The following CSMD1 variants were observed in gnomAD, a reference collection of about 807,000 sequenced individuals.
CSMD1 encodes the protein CUB and Sushi multiple domains 1.
Under a neutral mutation model 417.5 loss-of-function variants are expected in CSMD1, and 213 were observed. The observed-to-expected ratio is 0.51, with a 90% CI of 0.46 to 0.57. The LOEUF (loss-of-function observed/expected upper bound fraction) is 0.57, where lower values mean the gene tolerates loss of function less well. CSMD1 is among the 20% of genes least tolerant of loss of function. The pLI is 0.00. For synonymous variants in CSMD1, 2,862 were observed against 1,736.8 expected, an observed-to-expected ratio of 1.65 and a Z score of -16.11; for missense variants, 6,923 against 4,529.7, an observed-to-expected ratio of 1.53 and a Z score of -15.17.
intron 25 of CSMD1, among the ~76,000 whole-genome samples, chr8:3,304,644 AATATAC>A (rs1804675911): frequency 6.6e-6 from 1 of 152,172 alleles, no homozygotes; most frequent in Non-Finnish European, 1.5e-5. Flanking sequence ...CTCATATTGA[AATATAC>A]GTATACGAAG....
intron 5 of CSMD1, among the ~76,000 whole-genome samples, chr8:3,966,310 G>T (rs796235260): frequency 1.8e-4 from 28 of 152,264 alleles, no homozygotes; most frequent in African/African-American, 6.0e-4. Context: ...TGATGGAGAA[G>T]AGGGAAAGAA....
intron 12 of CSMD1, among the ~76,000 whole-genome samples, chr8:3,438,543 C>G (rs527519856): frequency 6.6e-6 from 1 of 152,308 alleles, no homozygotes; most frequent in East Asian, 1.9e-4. Context: ...GCACCACTCT[C>G]TGGAGAGTCA....
intron 25 of CSMD1, among the ~76,000 whole-genome samples, chr8:3,286,149 C>T (rs1432856150): frequency 3.9e-5 from 6 of 152,132 alleles, no homozygotes; most frequent in Non-Finnish European, 8.8e-5. Context: ...CTACAAAGGA[C>T]ATGAACTCAT....
chr8:3,742,297 G>T (rs1054795639), intron 6 of CSMD1, among the ~76,000 whole-genome samples: 1 of 152,102 alleles, frequency 6.6e-6, no homozygotes, highest in Admixed American at 6.6e-5. Context: ...TCATACAAAT[G>T]TTTATGAAAT....
rs529425491 is a variant in CSMD1 at position 4,290,295 on chromosome 8, A to C, written c.415+129658T>G. Among the ~76,000 whole-genome samples, 3 of 152,208 alleles carry C rather than the reference A, an allele frequency of 2.0e-5. No homozygotes were observed. In the East Asian group the frequency reaches 5.8e-4, roughly 29 times the overall value. ...AAAAGCATGGTTTTCACATATGTCT[A>C]CAGATGTGAAATTTCAGATGGTCGT... On this transcript the variant is annotated intron_variant, in intron 3 of 69. Transcript: ENST00000635120.
intron 10 of CSMD1, among the ~76,000 whole-genome samples, chr8:3,532,491 T>C (rs1798023934): frequency 6.6e-6 from 1 of 152,152 alleles, no homozygotes; most frequent in South Asian, 2.1e-4. Flanking sequence ...TTACCTCTCC[T>C]CCATATCCCA....
chr8:3,864,487 C>CT, intron 5 of CSMD1, among the ~76,000 whole-genome samples: 1 of 152,122 alleles, frequency 6.6e-6, no homozygotes, highest in East Asian at 1.9e-4. Flanking sequence ...TTTTATTATA[C>CT]TTTAAGTTTT....
intron 2 of CSMD1, among the ~76,000 whole-genome samples, chr8:4,586,023 T>A (rs1228469767): frequency 1.3e-5 from 2 of 152,192 alleles, no homozygotes; most frequent in Non-Finnish European, 2.9e-5. Flanking sequence ...ACCTTTTTCA[T>A]TATTATGCGC....
intron 3 of CSMD1, among the ~76,000 whole-genome samples, chr8:4,060,750 A>T (rs1044581132): frequency 2.0e-5 from 3 of 152,198 alleles, no homozygotes; most frequent in African/African-American, 7.2e-5. Context: ...ACAGCTATTC[A>T]TGTTATTCTA....
intron 28 of CSMD1, 65 bp downstream of exon 28, chr8:3,223,664 G>T (rs983616847): frequency 5.8e-6 from 9 of 1,542,448 alleles, no homozygotes; most frequent in Non-Finnish European, 8.0e-6. Flanking sequence ...GGTCATAAAA[G>T]AAGTAATTTT....
intron 3 of CSMD1, 97 bp from the exon 4 acceptor site, chr8:4,032,196 A>G (rs1167201734): frequency 1.2e-6 from 1 of 813,044 alleles, no homozygotes; most frequent in East Asian, 2.7e-5. Flanking sequence ...AATTATTAAA[A>G]TGAGAAAACC....
chr8:3,265,077 C>T (rs972490878), intron 26 of CSMD1, among the ~76,000 whole-genome samples: 4 of 152,140 alleles, frequency 2.6e-5, no homozygotes, highest in South Asian at 4.1e-4. Context: ...CAACACAAAT[C>T]TGTTGAATAG....
intron 3 of CSMD1, among the ~76,000 whole-genome samples, chr8:4,270,902 A>C (rs1804546554): frequency 6.6e-6 from 1 of 152,078 alleles, no homozygotes; most frequent in South Asian, 2.1e-4. Flanking sequence ...CAAACAACTC[A>C]AGGTGCTGAT....
intron 3 of CSMD1, among the ~76,000 whole-genome samples, chr8:4,397,935 G>C (rs140970719): frequency 5.3e-5 from 8 of 152,150 alleles, no homozygotes; most frequent in East Asian, 1.9e-4. Flanking sequence ...AAACATTCTA[G>C]AGTAGGAAAA....
In CSMD1 at chr8:4,033,906, G is replaced by A. The variant is rs1563343391; in HGVS notation, c.416-1807C>T. ...ATGAAATTCATCATTGTTGGCTATT[G>A]TATCCATATCTAAGGTTTAAATTTA... On this transcript the variant is annotated intron_variant, in intron 3 of 69. Transcript: ENST00000635120. Among the ~76,000 whole-genome samples, 5 of 152,228 alleles carry A rather than the reference G, an allele frequency of 3.3e-5. No individual in the cohort carries two copies. The South Asian group carries it at 1.0e-3, about 32-fold the overall frequency.
At chr8:4,890,757 G>C (rs573416536) in intron 1 of CSMD1, among the ~76,000 whole-genome samples, 22 of 152,252 alleles carry the variant, frequency 1.4e-4, no homozygotes, top group Admixed American at 1.3e-3. Flanking sequence ...TGAAAGTCAT[G>C]GAAGAAAGCG....
intron 1 of CSMD1, among the ~76,000 whole-genome samples, chr8:4,789,802 T>C (rs1277179534): frequency 6.6e-6 from 1 of 152,218 alleles, no homozygotes; most frequent in Non-Finnish European, 1.5e-5. Flanking sequence ...AGAGATGCCA[T>C]TTTGGTTCTT....
intron 3 of CSMD1, among the ~76,000 whole-genome samples, chr8:4,041,959 A>T (rs1441165141): frequency 1.3e-5 from 2 of 152,182 alleles, no homozygotes; most frequent in Non-Finnish European, 2.9e-5. Context: ...ATTTAAAATG[A>T]AACATAAAAG....
At chr8:3,312,180 A>G (rs1307590833) in intron 23 of CSMD1, among the ~76,000 whole-genome samples, 3 of 152,208 alleles carry the variant, frequency 2.0e-5, no homozygotes, top group African/African-American at 2.4e-5. Flanking sequence ...GTACAGAAAT[A>G]TGTTTTATTG....
Sources: gnomAD v4.1 joint callset for allele counts (sites outside exome capture counted in the v4.1 genomes callset) on GRCh38, gnomAD v4.1.1 for gene constraint, MANE v1.5 for transcripts, NCBI Gene and HGNC (gene_info 2026-07-23, HGNC 2026-07-21) for gene names.